IL7: variants seen among roughly 807,000 people sequenced by gnomAD.
IL7 encodes the protein interleukin-7.
Under a neutral mutation model 21.6 loss-of-function variants are expected in IL7, and 3 were observed. The observed-to-expected ratio is 0.14, with a 90% CI of 0.06 to 0.36. IL7 has a LOEUF of 0.36. Among genes scored for constraint, IL7 ranks in the 10% least tolerant of loss-of-function variants. IL7 has a pLI of 1.00. For synonymous variants in IL7, 62 were observed against 68.1 expected, an observed-to-expected ratio of 0.91 and a Z score of 0.44; for missense variants, 175 against 200.2, an observed-to-expected ratio of 0.87 and a Z score of 0.76.
chr8:78,733,751 A>T lies in IL7; in HGVS notation c.496T>A (p.Cys166Ser). ...GTGCCCATCAAAATTTTATTCCAAC[A>T]AGTTTTTATCTCTTGTAATAGTCTC... is the stretch of plus-strand genomic sequence containing the variant. ...LKRLLQEIKT[C>S]WNKILMGTKE... The change falls in exon 6 of 6, where the codon TGT (cysteine) becomes AGT (serine). Residue 166 changes from cysteine to serine, a missense_variant. Physicochemically the swap from Cys to Ser is moderately radical, Grantham distance 112. Transcript: ENST00000263851. 6.2e-7 allele frequency: 1 copy of T among 1,601,712 alleles called. No individual in the cohort carries two copies. Among genetic ancestry groups the T allele is most frequent in the Non-Finnish European group, 8.5e-7 (1 of 1,175,690 alleles).
intron 4 of IL7, chr8:78,685,769 A>G (rs1229617467): frequency 6.6e-6 from 1 of 152,230 alleles, no homozygotes; most frequent in African/African-American, 2.4e-5. Flanking sequence ...GATAGATAAT[A>G]TATTCTGTTA....
At chr8:78,769,342 G>A (rs992657485) in intron 2 of IL7, among the ~76,000 whole-genome samples, 7 of 152,010 alleles carry the variant, frequency 4.6e-5, no homozygotes, top group African/African-American at 1.7e-4. Context: ...AAAGTCTCAG[G>A]ATACAAAATC....
chr8:78,755,670 G>A (rs1009196369), intron 2 of IL7, among the ~76,000 whole-genome samples: 14 of 151,804 alleles, frequency 9.2e-5, no homozygotes, highest in East Asian at 5.8e-4. Context: ...ACTGATTCTC[G>A]TATGTTAATT....
downstream of IL7, among the ~76,000 whole-genome samples, chr8:78,715,609 A>G (rs538963798): frequency 5.1e-4 from 78 of 152,284 alleles, no homozygotes; most frequent in African/African-American, 1.8e-3. Flanking sequence ...AGTTGTTCCA[A>G]ACTTCATGGA....
rs568303833 is a variant in IL7 at position 78,805,146 on chromosome 8, T to G, written c.-224A>C. 204 of 499,938 alleles carry G rather than the reference T, an allele frequency of 4.1e-4. 1 individual carries two copies. Among genetic ancestry groups the G allele is most frequent in the Admixed American group, 1.1e-3 (29 of 26,438 alleles). 31.0% of individuals were successfully genotyped at this position (499,938 alleles called of 1,614,324 possible). A position where few individuals can be genotyped will look rare whatever the true frequency, so the allele number is the denominator to read the frequency against. Reference sequence around the variant, plus strand: ...ACGGCGTGGCTCTGCGCTTTGCCTTTTCCATAACTTCCGTAGGATCCGCCA... The same window carrying G: ...ACGGCGTGGCTCTGCGCTTTGCCTTGTCCATAACTTCCGTAGGATCCGCCA... On this transcript the variant is annotated 5_prime_UTR_variant, in exon 1 of 6. Coordinates refer to ENST00000263851, the MANE Select transcript of IL7 (RefSeq NM_000880.4).
intron 2 of IL7, among the ~76,000 whole-genome samples, chr8:78,771,819 T>G (rs1812967238): frequency 6.6e-6 from 1 of 152,082 alleles, no homozygotes; most frequent in Non-Finnish European, 1.5e-5. Context: ...TGCCCCCCTT[T>G]CTGTTGCAGC....
At chr8:78,786,912 G>A (rs1448132079) in intron 2 of IL7, among the ~76,000 whole-genome samples, 1 of 152,108 alleles carries the variant, frequency 6.6e-6, no homozygotes, top group African/African-American at 2.4e-5. Flanking sequence ...GGAGAGGAGA[G>A]GGGCTGAAGG....
At chr8:78,702,379 T>C (rs748336004) in intron 3 of IL7, among the ~76,000 whole-genome samples, 26 of 152,314 alleles carry the variant, frequency 1.7e-4, no homozygotes, top group African/African-American at 5.8e-4. Context: ...TTAGTGTAGC[T>C]AGCAGCCTAT....
intron 3 of IL7, chr8:78,712,143 A>G: frequency 8.4e-7 from 1 of 1,187,116 alleles, no homozygotes; most frequent in Non-Finnish European, 1.1e-6. Context: ...AATATTTTTC[A>G]GATATTTCCT....
intron 3 of IL7, chr8:78,711,979 T>C: frequency 1.6e-6 from 2 of 1,285,196 alleles, no homozygotes; most frequent in Non-Finnish European, 2.0e-6. Flanking sequence ...CACCTTTATA[T>C]ATTTTAATAG....
At chr8:78,683,210 C>T (rs1459876870) in intron 4 of IL7, among the ~76,000 whole-genome samples, 1 of 152,230 alleles carries the variant, frequency 6.6e-6, no homozygotes, top group East Asian at 1.9e-4. Context: ...CTCACAGCTC[C>T]ACTAGGCATG....
chr8:78,719,664 A>T (rs752287850), intron 5 of IL7: 5 of 151,710 alleles, frequency 3.3e-5, no homozygotes, highest in Non-Finnish European at 7.4e-5. Context: ...GAAAAAGATG[A>T]TTGTGGTGAC....
chr8:78,679,206 C>T (rs1809683697), intron 4 of IL7: 1 of 152,100 alleles, frequency 6.6e-6, no homozygotes, highest in Non-Finnish European at 1.5e-5. Flanking sequence ...TAGTTATTGT[C>T]AGCTTATTTT....
At chr8:78,747,158 A>C in intron 2 of IL7, 1 of 442,198 alleles carries the variant, frequency 2.3e-6, no homozygotes, top group African/African-American at 2.1e-5. Context: ...CTATAAATAA[A>C]GTTGGTCCCT....
chr8:78,721,509 C>T (rs770095734), intron 3 of IL7: 14 of 151,952 alleles, frequency 9.2e-5, no homozygotes, highest in Non-Finnish European at 1.8e-4. Context: ...TCACTTTTTC[C>T]TCTCTTTTAT....
chr8:78,726,456 C>A (rs1338526648), intron 3 of IL7, among the ~76,000 whole-genome samples: 1 of 151,864 alleles, frequency 6.6e-6, no homozygotes, highest in Non-Finnish European at 1.5e-5. Flanking sequence ...CTTTAGAGGC[C>A]ATTCATATGA....
intron 3 of IL7, 142 bp downstream of exon 3, chr8:78,739,860 A>G: frequency 6.0e-6 from 4 of 661,640 alleles, no homozygotes; most frequent in Non-Finnish European, 8.7e-6. Context: ...AAATTGGGCC[A>G]TAGTATGATT....
At chr8:78,762,359 C>T in intron 2 of IL7, 1 of 1,612,774 alleles carries the variant, frequency 6.2e-7, no homozygotes, top group Non-Finnish European at 8.5e-7. Context: ...CCGCGGGAAG[C>T]TGAAGAAGGC....
chr8:78,676,087 T>C (rs939876355), exon 5 of IL7: 68 of 362,406 alleles, frequency 1.9e-4, no homozygotes, highest in Non-Finnish European at 1.5e-5. Flanking sequence ...TTAAAGGTAT[T>C]CCTCATTTTA....
Sources: allele counts gnomAD v4.1 joint callset (sites outside exome capture counted in the v4.1 genomes callset), GRCh38; gene constraint gnomAD v4.1.1; transcripts MANE v1.5; gene names NCBI Gene and HGNC (gene_info 2026-07-23, HGNC 2026-07-21).